TRMT1: variants seen among roughly 807,000 people sequenced by gnomAD.
TRMT1 encodes the protein tRNA (guanine(26)-N(2))-dimethyltransferase.
Under a neutral mutation model 75.4 loss-of-function variants are expected in TRMT1, and 63 were observed. The ratio of observed to expected loss-of-function variants is 0.84; its 90% confidence interval spans 0.68 to 1.03. TRMT1 has a LOEUF of 1.03. Ranked by LOEUF, TRMT1 falls within the 50% of genes least tolerant of loss-of-function variation. TRMT1 has a pLI of 0.00. For synonymous variants in TRMT1, 382 were observed against 358.1 expected, an observed-to-expected ratio of 1.07 and a Z score of -0.75; for missense variants, 870 against 905.3, an observed-to-expected ratio of 0.96 and a Z score of 0.50.
At chr19:13,109,108 GTATACATACGTA>G (rs1568363294) in intron 12 of TRMT1, among the ~76,000 whole-genome samples, 1 of 149,718 alleles carries the variant, frequency 6.7e-6, no homozygotes, top group African/African-American at 2.5e-5. Context: ...GTGTGTGTGT[GTATACATACGTA>G]TGTATGTGTG....
At chr19:13,109,284 C>A in intron 12 of TRMT1, 97 bp downstream of exon 12, 1 of 1,416,372 alleles carries the variant, frequency 7.1e-7, no homozygotes, top group Non-Finnish European at 9.8e-7. Context: ...CGGGTTCTCC[C>A]CACCCCCTCG....
intron 14 of TRMT1, among the ~76,000 whole-genome samples, chr19:13,106,601 G>A (rs1166853164): frequency 1.3e-5 from 2 of 149,654 alleles, no homozygotes; most frequent in South Asian, 2.1e-4. Flanking sequence ...TCAGCCTCCC[G>A]AGTAGCTGGG....
At chr19:13,116,624 C>T (rs1205941656) in intron 1 of TRMT1, 29 bp downstream of exon 1, 1 of 620,668 alleles carries the variant, frequency 1.6e-6, no homozygotes, top group Non-Finnish European at 2.7e-6. Flanking sequence ...AGTCCGAATC[C>T]CTCCCCGCGC....
chr19:13,116,116 A>C (rs1210458489), intron 2 of TRMT1, 30 bp downstream of exon 2: 1 of 1,613,896 alleles, frequency 6.2e-7, no homozygotes, highest in East Asian at 2.2e-5. Context: ...CCACTAGCCG[A>C]TGCCAGGCTA....
At chr19:13,112,412 TA>T (rs199836952) in intron 7 of TRMT1, among the ~76,000 whole-genome samples, 8 of 151,698 alleles carry the variant, frequency 5.3e-5, no homozygotes, top group Admixed American at 2.6e-4. Flanking sequence ...AAACGACCTT[TA>T]AAAAAAAAAT....
chr19:13,116,515 A>C, intron 1 of TRMT1, 84 bp from the exon 2 acceptor site: 1 of 1,397,212 alleles, frequency 7.2e-7, no homozygotes, highest in Admixed American at 2.5e-5. Context: ...TCTATGAGGT[A>C]GGGACTAGGA....
Position 13,109,915 on chromosome 19 carries a change from C to T in TRMT1, c.1106G>A (p.Arg369Gln), listed in dbSNP as rs770943164. The T allele has an allele frequency of 2.5e-6, 4 of 1,614,000 alleles. No homozygotes were observed. Among genetic ancestry groups the T allele is most frequent in the Middle Eastern group, 1.7e-4 (1 of 6,060 alleles). The change falls in exon 9 of 17, where the codon CGG (arginine) becomes CAG (glutamine). Residue 369 changes from arginine to glutamine, a missense_variant and splice_region_variant. Coordinates refer to ENST00000357720, the MANE Select transcript of TRMT1 (RefSeq NM_001136035.4). ...LGKASGVPSG[R>Q]AKFSAACGPP... ...CTTCTTCTCCTTCCTCCCTGCTCAC[C>T]GGCCGCTGGGGACTCCTGACGCTTT...
chr19:13,112,422 A>AT (rs1038742508), intron 7 of TRMT1, among the ~76,000 whole-genome samples: 3 of 151,744 alleles, frequency 2.0e-5, no homozygotes, highest in African/African-American at 4.8e-5. Flanking sequence ...TAAAAAAAAA[A>AT]TTTTTTTTTG....
intron 12 of TRMT1, among the ~76,000 whole-genome samples, chr19:13,108,295 T>C (rs1189418108): frequency 6.8e-6 from 1 of 147,448 alleles, no homozygotes; most frequent in Non-Finnish European, 1.5e-5. Context: ...GGCCTTCTTA[T>C]TTATTATTTT....
At chr19:13,113,080 A>AAG in intron 5 of TRMT1, 69 bp from the exon 6 acceptor site, 1 of 1,221,046 alleles carries the variant, frequency 8.2e-7, no homozygotes, top group Non-Finnish European at 1.1e-6. Flanking sequence ...TACACATATT[A>AAG]ACTCGTACAG....
At position 13,113,015 on chromosome 19, in the gene TRMT1, G is replaced by A; in HGVS notation, c.642-4C>T. ...CTGGTGCTGGTACATCAGCATCCTG[G>A]GTGCAAAGAGGGCCAGGTCCTCAGC... On this transcript the variant is annotated splice_polypyrimidine_tract_variant and splice_region_variant and intron_variant, in intron 5 of 16. Coordinates refer to ENST00000357720, the MANE Select transcript of TRMT1 (RefSeq NM_001136035.4). 6.2e-7 allele frequency: 1 copy of A among 1,603,866 alleles called. No homozygotes were observed. Among genetic ancestry groups the A allele is most frequent in the Non-Finnish European group, 8.5e-7 (1 of 1,174,708 alleles).
intron 7 of TRMT1, among the ~76,000 whole-genome samples, chr19:13,111,264 G>C (rs1219241037): frequency 6.6e-6 from 1 of 152,034 alleles, no homozygotes; most frequent in Non-Finnish European, 1.5e-5. Context: ...CCAGGTTCCT[G>C]ACCTCAAGTG....
At chr19:13,105,658 G>A in intron 14 of TRMT1, 52 bp from the exon 15 acceptor site, 3 of 1,554,524 alleles carry the variant, frequency 1.9e-6, no homozygotes, top group Non-Finnish European at 1.8e-6. Flanking sequence ...CCACACGAGT[G>A]TGTCCCCACT....
chr19:13,113,269 G>C (rs982662384), intron 5 of TRMT1, among the ~76,000 whole-genome samples: 1 of 151,802 alleles, frequency 6.6e-6, no homozygotes, highest in Non-Finnish European at 1.5e-5. Context: ...AGCAATTCTC[G>C]CGCCTCAGCC....
chr19:13,105,476 CCACCACT>C lies in TRMT1; in HGVS notation c.1703+4_1703+10del. ...CTGGCTGAGCCCCACCCCCACCTTACCACCACTCACCCTGGCCGGGCACGAGGCCGGG... is the reference window on the plus strand; with the variant it reads ...CTGGCTGAGCCCCACCCCCACCTTACCACCCTGGCCGGGCACGAGGCCGGG... On this transcript the variant is annotated splice_donor_5th_base_variant and intron_variant, in intron 15 of 16. Transcript: ENST00000357720. 1.9e-6 allele frequency: 3 copies of C among 1,614,050 alleles called. No homozygotes were observed. The highest frequency in any genetic ancestry group is 2.5e-6 in the Non-Finnish European group (3 of 1,180,026).
intron 5 of TRMT1, among the ~76,000 whole-genome samples, chr19:13,114,087 G>C (rs1431739537): frequency 6.6e-6 from 1 of 152,196 alleles, no homozygotes; most frequent in East Asian, 1.9e-4. Flanking sequence ...TTCTAGTAAG[G>C]TCAGAAAAGT....
In TRMT1 at chr19:13,116,262, T is replaced by C; in HGVS notation, c.138A>G (p.Glu46=). ...AMENGTGPYG[E]ERPREVQETT... ...TCTCCTGGACTTCACGTGGACGTTC[T>C]TCTCCGTAGGGCCCGGTGCCGTTCT... The change falls in exon 2 of 17, where the codon GAA becomes GAG. Residue 46 remains glutamate, a synonymous_variant. Coordinates refer to ENST00000357720, the MANE Select transcript of TRMT1 (RefSeq NM_001136035.4). 6.2e-7 allele frequency: 1 copy of C among 1,614,182 alleles called. No homozygotes were observed. The highest frequency in any genetic ancestry group is 8.5e-7 in the Non-Finnish European group (1 of 1,180,038).
At chr19:13,107,189 C>A (rs1337534664) in intron 14 of TRMT1, among the ~76,000 whole-genome samples, 1 of 151,440 alleles carries the variant, frequency 6.6e-6, no homozygotes, top group Non-Finnish European at 1.5e-5. Context: ...GGCTGGAGTG[C>A]AATGGCGCGA....
intron 14 of TRMT1, among the ~76,000 whole-genome samples, chr19:13,107,338 C>T (rs1013030734): frequency 7.9e-5 from 12 of 151,668 alleles, no homozygotes; most frequent in African/African-American, 2.4e-4. Flanking sequence ...TGGGGTTCCA[C>T]CATGTTGGCC....
Sources: allele counts gnomAD v4.1 joint callset (sites outside exome capture counted in the v4.1 genomes callset), GRCh38; gene constraint gnomAD v4.1.1; transcripts MANE v1.5; gene names NCBI Gene and HGNC (gene_info 2026-07-23, HGNC 2026-07-21).